DPP6: variants seen among roughly 807,000 people sequenced by gnomAD.
DPP6 encodes the protein dipeptidyl peptidase like 6.
DPP6 carries 69 observed loss-of-function variants against 122.6 expected under a neutral mutation model. The observed-to-expected ratio is 0.56, with a 90% CI of 0.46 to 0.69. The LOEUF is 0.69. DPP6 is among the 30% of genes least tolerant of loss of function. The probability of loss-of-function intolerance (pLI) is 0.00; values close to 1 mark genes in which losing one functional copy is unlikely to be tolerated. For missense variants in DPP6, 928 were observed against 1,116.9 expected, an observed-to-expected ratio of 0.83 and a Z score of 2.41; for synonymous variants, 418 against 433.1, an observed-to-expected ratio of 0.97 and a Z score of 0.43.
At chr7:154,748,725 C>T in intron 8 of DPP6, among the ~76,000 whole-genome samples, 1 of 152,126 alleles carries the variant, frequency 6.6e-6, no homozygotes, top group South Asian at 2.1e-4. Flanking sequence ...GTGAGCAGGG[C>T]TTCGATGCCT....
chr7:153,795,388 C>T, the DPP6 span, among the ~76,000 whole-genome samples: 1 of 152,184 alleles, frequency 6.6e-6, no homozygotes, highest in Non-Finnish European at 1.5e-5. Flanking sequence ...GCACTGCAGC[C>T]TGGCAACAGA....
At chr7:154,147,491 T>TTCCTTCCTTCCTTCCTTCCTTCCG in intron 1 of DPP6, among the ~76,000 whole-genome samples, 1 of 148,456 alleles carries the variant, frequency 6.7e-6, no homozygotes, top group African/African-American at 2.6e-5. Context: ...CCTTCCTTCC[T>TTCCTTCCTTCCTTCCTTCCTTCCG]TTCTTTTTCT....
intron 1 of DPP6, among the ~76,000 whole-genome samples, chr7:154,162,981 G>A (rs570654299): frequency 2.1e-4 from 32 of 150,194 alleles, no homozygotes; most frequent in Non-Finnish European, 4.3e-4. Flanking sequence ...TCTGTGCATC[G>A]CTAGGGTCGA....
chr7:154,565,934 T>G (rs1265735488), intron 4 of DPP6, among the ~76,000 whole-genome samples: 2 of 152,052 alleles, frequency 1.3e-5, no homozygotes, highest in Non-Finnish European at 2.9e-5. Flanking sequence ...TGGGGGTGGG[T>G]GTGGGTATCT....
At chr7:154,014,114 T>C (rs952173959) in intron 1 of DPP6, among the ~76,000 whole-genome samples, 1 of 151,714 alleles carries the variant, frequency 6.6e-6, no homozygotes, top group African/African-American at 2.4e-5. Flanking sequence ...TGACTTAATG[T>C]GTTTGAGAAA....
intron 1 of DPP6, among the ~76,000 whole-genome samples, chr7:154,151,296 A>T (rs139879288): frequency 1.3e-5 from 2 of 152,112 alleles, no homozygotes; most frequent in Non-Finnish European, 1.5e-5. Flanking sequence ...CCTTCTCAGC[A>T]GCCCCTGGCT....
chr7:154,286,208 C>T (rs1347590268), intron 1 of DPP6, among the ~76,000 whole-genome samples: 1 of 151,986 alleles, frequency 6.6e-6, no homozygotes, highest in Non-Finnish European at 1.5e-5. Flanking sequence ...ATGGTTTTGT[C>T]CAGAGCTGAG....
chr7:154,835,695 G>T (rs912475846), intron 16 of DPP6, among the ~76,000 whole-genome samples: 1 of 152,196 alleles, frequency 6.6e-6, no homozygotes, highest in Admixed American at 6.5e-5. Context: ...CAAGCCATCC[G>T]GGTGATTCAG....
chr7:153,939,468 T>C (rs1801601949), intron 1 of DPP6, among the ~76,000 whole-genome samples: 1 of 152,146 alleles, frequency 6.6e-6, no homozygotes, highest in Admixed American at 6.5e-5. Context: ...AAACCAACAA[T>C]TACTGAAATT....
intron 1 of DPP6, among the ~76,000 whole-genome samples, chr7:153,923,870 A>T (rs1183174545): frequency 1.3e-5 from 2 of 151,920 alleles, no homozygotes; most frequent in South Asian, 2.1e-4. Context: ...TCATTTAGTC[A>T]TCGGTGGATC....
At chr7:154,548,291 G>A (rs191122829) in intron 4 of DPP6, among the ~76,000 whole-genome samples, 210 of 148,360 alleles carry the variant, frequency 1.4e-3, no homozygotes, top group Admixed American at 2.5e-3. Context: ...GAGGCCGGGC[G>A]CAGTGGCTCA....
the DPP6 span, among the ~76,000 whole-genome samples, chr7:153,842,384 G>C: frequency 6.6e-6 from 1 of 151,978 alleles, no homozygotes; most frequent in Non-Finnish European, 1.5e-5. Context: ...TATATCAACT[G>C]TTATAATTCA....
At chr7:154,364,114 A>G (rs1453225385) in intron 1 of DPP6, among the ~76,000 whole-genome samples, 1 of 152,226 alleles carries the variant, frequency 6.6e-6, no homozygotes, top group Non-Finnish European at 1.5e-5. Context: ...ACCATTAAAT[A>G]TAAACTAATC....
At chr7:154,305,035 AGCCCCAGCCCCAGCCC>A (rs1806181224) in intron 1 of DPP6, 1 of 9,402 alleles carries the variant, frequency 1.1e-4, no homozygotes, top group Non-Finnish European at 2.8e-4. Flanking sequence ...CCCCAGCCCC[AGCCCCAGCCCCAGCCC>A]CAGCCCCAGC....
chr7:154,356,815 A>G (rs1455631148), intron 1 of DPP6, among the ~76,000 whole-genome samples: 1 of 152,222 alleles, frequency 6.6e-6, no homozygotes, highest in Non-Finnish European at 1.5e-5. Flanking sequence ...TGCAGACTGC[A>G]TGAAATAAAG....
At chr7:153,824,413 G>C in the DPP6 span, among the ~76,000 whole-genome samples, 2 of 137,002 alleles carry the variant, frequency 1.5e-5, no homozygotes, top group Non-Finnish European at 3.2e-5. Flanking sequence ...AAAGCCAGGC[G>C]TAGTGGCTCA....
At chr7:153,870,859 C>T in the DPP6 span, among the ~76,000 whole-genome samples, 2 of 152,246 alleles carry the variant, frequency 1.3e-5, no homozygotes, top group East Asian at 1.9e-4. Flanking sequence ...TGTTAGTTTT[C>T]GTTCTAACAG....
intron 1 of DPP6, among the ~76,000 whole-genome samples, chr7:154,208,445 C>T (rs747941741): frequency 2.0e-5 from 3 of 152,230 alleles, no homozygotes; most frequent in Non-Finnish European, 4.4e-5. Context: ...CCCAGACACC[C>T]CGCTGACTCA....
At chr7:154,729,162 A>C (rs1293322012) in intron 8 of DPP6, among the ~76,000 whole-genome samples, 1 of 152,224 alleles carries the variant, frequency 6.6e-6, no homozygotes, top group East Asian at 1.9e-4. Context: ...TGGCTACAGT[A>C]ACCGTATGCT....
Sources: gnomAD v4.1 joint callset for allele counts (sites outside exome capture counted in the v4.1 genomes callset) on GRCh38, gnomAD v4.1.1 for gene constraint, MANE v1.5 for transcripts, NCBI Gene and HGNC (gene_info 2026-07-23, HGNC 2026-07-21) for gene names.